CPLANE1: variants seen among roughly 807,000 people sequenced by gnomAD.
CPLANE1 encodes the protein ciliogenesis and planar polarity effector complex subunit 1.
In CPLANE1, 263 loss-of-function variants were observed where a neutral mutation model predicts 362.5. The ratio of observed to expected loss-of-function variants is 0.73; its 90% CI spans 0.66 to 0.80. The LOEUF is 0.80. CPLANE1 is among the 30% of genes least tolerant of loss of function. The probability of loss-of-function intolerance (pLI) is 0.00; values close to 1 mark genes in which losing one functional copy is unlikely to be tolerated. For synonymous variants in CPLANE1, 1,212 were observed against 1,302.6 expected (o/e 0.93, Z 1.50); for missense variants, 3,461 against 3,793.4 (o/e 0.91, Z 2.30).
At chr5:37,142,682 T>C in intron 43 of CPLANE1, 1 of 383,014 alleles carries the variant, frequency 2.6e-6, no homozygotes. Context: ...ACAAGATTTA[T>C]TAGACTGAGC....
At chr5:37,142,278 G>A (rs1335359546) in intron 44 of CPLANE1, 32 bp downstream of exon 44, 3 of 1,482,284 alleles carry the variant, frequency 2.0e-6, no homozygotes, top group African/African-American at 2.9e-5. Context: ...GAGAATAAGA[G>A]TATGTGTAAA....
intron 24 of CPLANE1, among the ~76,000 whole-genome samples, chr5:37,185,516 A>G (rs888213954): frequency 6.6e-6 from 1 of 152,180 alleles, no homozygotes; most frequent in Non-Finnish European, 1.5e-5. Context: ...AAGAAACAAT[A>G]GCAAGGGAAG....
chr5:37,179,707 G>C (rs2151093363), intron 28 of CPLANE1, among the ~76,000 whole-genome samples: 1 of 152,192 alleles, frequency 6.6e-6, no homozygotes, highest in Non-Finnish European at 1.5e-5. Flanking sequence ...AAGACTGCTG[G>C]GGAGAGGTTT....
chr5:37,147,971 C>CAAAAA lies in CPLANE1; in HGVS notation c.8461+205_8461+209dup, dbSNP rs11284644. Among the ~76,000 whole-genome samples the CAAAAA allele has an allele frequency of 5.3e-3, 81 of 15,312 alleles. 9 individuals carry two copies. The highest frequency in any genetic ancestry group is 0.01 in the African/African-American group (77 of 7,504). 10.0% of individuals were successfully genotyped at this position (15,312 alleles called of 152,430 possible). A position where few individuals can be genotyped will look rare whatever the true frequency, so the allele number is the denominator to read the frequency against. Reference sequence around the variant, plus strand: ...AATCCAGAGGAGGTTACTGCCTTCTCAAAAAAAAAAAAAAAAAAAAAAAAA... The same window carrying CAAAAA: ...AATCCAGAGGAGGTTACTGCCTTCTCAAAAAAAAAAAAAAAAAAAAAAAAAAAAAA... On this transcript the variant is annotated intron_variant, in intron 43 of 52. Transcript: ENST00000651892.
intron 26 of CPLANE1, among the ~76,000 whole-genome samples, chr5:37,181,240 C>T (rs933068287): frequency 6.6e-6 from 1 of 152,110 alleles, no homozygotes; most frequent in African/African-American, 2.4e-5. Flanking sequence ...ATCAGCCTTA[C>T]AAATTTGTAA....
chr5:37,205,485 T>A, intron 17 of CPLANE1, 31 bp from the exon 18 acceptor site: 1 of 1,440,322 alleles, frequency 6.9e-7, no homozygotes, highest in Admixed American at 2.8e-5. Flanking sequence ...GGGAAATGAA[T>A]CCAAATTTTG....
chr5:37,189,331 G>A (rs998779141), intron 21 of CPLANE1, among the ~76,000 whole-genome samples: 1 of 152,182 alleles, frequency 6.6e-6, no homozygotes, highest in Non-Finnish European at 1.5e-5. Flanking sequence ...CCAATAGTGA[G>A]AGAGGATGGT....
chr5:37,230,559 G>T (rs1180292605), intron 9 of CPLANE1, among the ~76,000 whole-genome samples: 1 of 151,926 alleles, frequency 6.6e-6, no homozygotes, highest in African/African-American at 2.4e-5. Flanking sequence ...TTTTCTAAGT[G>T]CTATTATTTT....
In CPLANE1 at chr5:37,153,902, G is replaced by A; in HGVS notation, c.8211C>T (p.Val2737=). 1 of 1,614,116 alleles carries A rather than the reference G, an allele frequency of 6.2e-7. No individual in the cohort carries two copies. The highest frequency in any genetic ancestry group is 8.5e-7 in the Non-Finnish European group (1 of 1,180,014). The change falls in exon 42 of 53, where the codon GTC becomes GTT. Residue 2737 remains valine (V), a synonymous_variant. Coordinates refer to ENST00000651892, the MANE Select transcript of CPLANE1 (RefSeq NM_001384732.1). The part of the protein sequence containing the change: ...DYLLWKRLQG[V]SAACPAPSSA... The stretch of plus-strand genomic sequence containing the variant: ...AGCTTGGTGCAGGGCAAGCTGCAGA[G>A]ACACCTTGCAGCCGTTTCCACAATA...
intron 20 of CPLANE1, among the ~76,000 whole-genome samples, chr5:37,196,205 C>A (rs1787382570): frequency 6.7e-6 from 1 of 149,722 alleles, no homozygotes; most frequent in African/African-American, 2.5e-5. Flanking sequence ...CTAAGTAAAT[C>A]ATTTGTACTC....
chr5:37,085,423 G>A, the CPLANE1 span: 1 of 1,018,856 alleles, frequency 9.8e-7, no homozygotes, highest in Non-Finnish European at 1.6e-6. Flanking sequence ...TACAAATTGG[G>A]TAAAGTGAGA....
At chr5:37,086,139 G>A in the CPLANE1 span, among the ~76,000 whole-genome samples, 7 of 152,106 alleles carry the variant, frequency 4.6e-5, no homozygotes, top group Admixed American at 3.9e-4. Context: ...GCACTAGACA[G>A]GTCATCAAGA....
chr5:37,153,913 G>A lies in CPLANE1; in HGVS notation c.8200C>T (p.Leu2734=), dbSNP rs1413160485. ...SAEDYLLWKR[L]QGVSAACPAP... ...GGGCAAGCTGCAGAGACACCTTGCA[G>A]CCGTTTCCACAATAGATAATCTTCT... The change falls in exon 42 of 53, where the codon CTG becomes TTG. Residue 2734 remains leucine (L), a synonymous_variant. Coordinates refer to ENST00000651892, the MANE Select transcript of CPLANE1 (RefSeq NM_001384732.1). The A allele has an allele frequency of 6.2e-7, 1 of 1,614,132 alleles. No individual in the cohort carries two copies. Among genetic ancestry groups the A allele is most frequent in the Non-Finnish European group, 8.5e-7 (1 of 1,180,016 alleles).
intron 25 of CPLANE1, among the ~76,000 whole-genome samples, chr5:37,184,479 G>T (rs572076325): frequency 6.6e-6 from 1 of 151,902 alleles, no homozygotes; most frequent in South Asian, 2.1e-4. Context: ...AACTATTTAA[G>T]TCTAAAGATT....
chr5:37,249,158 G>C (rs1740902508), intron 1 of CPLANE1, 87 bp downstream of exon 1: 1 of 152,760 alleles, frequency 6.5e-6, no homozygotes, highest in South Asian at 2.1e-4. Context: ...CGACAGAAGA[G>C]TAGATGAGGG....
At chr5:37,128,597 C>T (rs183543716) in intron 46 of CPLANE1, among the ~76,000 whole-genome samples, 2 of 152,160 alleles carry the variant, frequency 1.3e-5, no homozygotes, top group Admixed American at 6.5e-5. Context: ...TGGCTCACAC[C>T]TGTAATCCCA....
chr5:37,182,997 G>A lies in CPLANE1; in HGVS notation c.5184C>T (p.Asn1728=). The change falls in exon 26 of 53, where the codon AAC becomes AAT. Residue 1728 remains asparagine, a synonymous_variant. Transcript: ENST00000651892. The part of the protein sequence containing the change: ...IFKAIQCNDI[N]PQEDLPLALN... ...GTGCTAAAGGAAGATCTTCTTGAGGGTTAATATCATTGCACTGAATAGCTT... is the reference window on the plus strand; with the variant it reads ...GTGCTAAAGGAAGATCTTCTTGAGGATTAATATCATTGCACTGAATAGCTT... The A allele has an allele frequency of 1.2e-6, 2 of 1,612,076 alleles. No individual in the cohort carries two copies. The highest frequency in any genetic ancestry group is 2.2e-5 in the East Asian group (1 of 44,818).
At chr5:37,164,945 A>C (rs1777848624) in intron 36 of CPLANE1, among the ~76,000 whole-genome samples, 1 of 151,976 alleles carries the variant, frequency 6.6e-6, no homozygotes, top group South Asian at 2.1e-4. Flanking sequence ...CCTCTCAAAA[A>C]ATATTTTTTA....
chr5:37,081,122 C>A, the CPLANE1 span, among the ~76,000 whole-genome samples: 1 of 152,048 alleles, frequency 6.6e-6, no homozygotes, highest in Non-Finnish European at 1.5e-5. Context: ...GCCTGGAAAA[C>A]AGAGCTAGAT....
Sources: gnomAD v4.1 joint callset for allele counts (sites outside exome capture counted in the v4.1 genomes callset) on GRCh38, gnomAD v4.1.1 for gene constraint, MANE v1.5 for transcripts, NCBI Gene and HGNC (gene_info 2026-07-23, HGNC 2026-07-21) for gene names.